ARRDC3: variants seen among roughly 807,000 people sequenced by gnomAD.
ARRDC3 encodes arrestin domain-containing protein 3.
Under a neutral mutation model 47.2 loss-of-function variants are expected in ARRDC3, and 10 were observed. That is an observed-to-expected ratio of 0.21 (90% CI 0.13 to 0.36). The LOEUF (loss-of-function observed/expected upper bound fraction) is 0.36. Ranked by LOEUF, ARRDC3 falls within the 10% of genes least tolerant of loss-of-function variation. The pLI is 1.00. For synonymous variants in ARRDC3, 156 were observed against 178.3 expected (o/e 0.87, Z 1.00); for missense variants, 381 against 503.6 (o/e 0.76, Z 2.33).
At chr5:91,377,575 T>G (rs1048865535) in intron 2 of ARRDC3, among the ~76,000 whole-genome samples, 3 of 150,788 alleles carry the variant, frequency 2.0e-5, no homozygotes, top group Non-Finnish European at 3.0e-5. Context: ...TTCATAATTT[T>G]TTTTTTTTTT....
At chr5:91,375,200 C>T (rs1475411287) in intron 4 of ARRDC3, 22 bp from the exon 5 acceptor site, 3 of 1,599,492 alleles carry the variant, frequency 1.9e-6, no homozygotes, top group Non-Finnish European at 2.6e-6. Flanking sequence ...AAAATATATA[C>T]ATATCTACTG....
chr5:91,376,190 G>C (rs1162581455), intron 3 of ARRDC3, among the ~76,000 whole-genome samples: 1 of 152,092 alleles, frequency 6.6e-6, no homozygotes, highest in East Asian at 1.9e-4. Context: ...TGAAACTAAT[G>C]ATTCCCCATT....
chr5:91,369,797 C>T lies in ARRDC3; in HGVS notation c.*1603G>A, dbSNP rs1799126959. On this transcript the variant is annotated 3_prime_UTR_variant, in exon 8 of 8. Transcript: ENST00000265138. The stretch of plus-strand genomic sequence containing the variant: ...ACAACAAAATAAGTACACTTGGTAC[C>T]TTGGAAAATGCTGAAATGCTATCAT... 6.6e-6 allele frequency: 1 copy of T among 152,010 alleles called. No homozygotes were observed. Among genetic ancestry groups the T allele is most frequent in the Admixed American group, 6.6e-5 (1 of 15,240 alleles). 9.4% of individuals were successfully genotyped at this position (152,010 alleles called of 1,614,324 possible). A position where few individuals can be genotyped will look rare whatever the true frequency, so the allele number is the denominator to read the frequency against.
chr5:91,383,039 G>T lies in ARRDC3; in HGVS notation c.54C>A (p.Asp18Glu). Residue 18 changes from aspartate to glutamate, a missense_variant, in exon 1 of 8, where the codon GAC becomes GAA. By Grantham distance (45) the Asp-to-Glu change is conservative. Coordinates refer to ENST00000265138, the MANE Select transcript of ARRDC3 (RefSeq NM_020801.4). ...SLTISFDCLN[D>E]SNVPVYSSGD... ...CACTAGAATACACAGGGACATTGCTGTCATTAAGACAGTCAAAGCTTATTG... is the reference window on the plus strand; with the variant it reads ...CACTAGAATACACAGGGACATTGCTTTCATTAAGACAGTCAAAGCTTATTG... 6.2e-7 allele frequency: 1 copy of T among 1,613,908 alleles called. No homozygotes were observed.
rs1389842483 is a variant in ARRDC3 at position 91,377,587 on chromosome 5, G to A, written c.363-819C>T. The stretch of plus-strand genomic sequence containing the variant: ...GTTTTCATAATTTTTTTTTTTTTTT[G>A]CATTTTAGACTCCCACATTAACTTG... On this transcript the variant is annotated intron_variant, in intron 2 of 7. Transcript: ENST00000265138. Among the ~76,000 whole-genome samples the A allele has an allele frequency of 3.5e-5, 4 of 113,070 alleles. No homozygotes were observed. The East Asian group carries it at 1.0e-3, about 28-fold the overall frequency. The allele number at this position is 113,070 out of a possible 152,430, so 74.2% of individuals were successfully genotyped here.
chr5:91,379,292 TAAAAAA>T lies in ARRDC3; in HGVS notation c.281-523_281-518del, dbSNP rs377674022. Among the ~76,000 whole-genome samples, 5 of 107,780 alleles carry T rather than the reference TAAAAAA, an allele frequency of 4.6e-5. 1 individual carries two copies. The highest frequency in any genetic ancestry group is 5.2e-4 in the East Asian group (2 of 3,844). 70.7% of individuals were successfully genotyped at this position (107,780 alleles called of 152,430 possible). ...AGAAAACCTTGTCAAATAGACGGAGTAAAAAAAAAAAAAAAAAAAGCCACACATTGA... is the reference window on the plus strand; with the variant it reads ...AGAAAACCTTGTCAAATAGACGGAGTAAAAAAAAAAAAAGCCACACATTGA... On this transcript the variant is annotated intron_variant, in intron 1 of 7. Coordinates refer to ENST00000265138, the MANE Select transcript of ARRDC3 (RefSeq NM_020801.4).
intron 6 of ARRDC3, 74 bp from the exon 7 acceptor site, chr5:91,373,912 T>TA: frequency 6.3e-7 from 1 of 1,578,218 alleles, no homozygotes; most frequent in Non-Finnish European, 8.7e-7. Flanking sequence ...TAGTAGGTAT[T>TA]AAAAAGCAAC....
chr5:91,373,633 C>A, intron 7 of ARRDC3, 51 bp downstream of exon 7: 1 of 1,535,622 alleles, frequency 6.5e-7, no homozygotes, highest in South Asian at 1.2e-5. Context: ...GCCTGCAATG[C>A]TATTTCCCAA....
chr5:91,379,893 A>G (rs1420711032), intron 1 of ARRDC3: 1 of 152,168 alleles, frequency 6.6e-6, no homozygotes, highest in Non-Finnish European at 1.5e-5. Context: ...TTCATTTAAA[A>G]ATCATGGTGA....
chr5:91,369,793 G>A lies in ARRDC3; in HGVS notation c.*1607C>T, dbSNP rs987582438. On this transcript the variant is annotated 3_prime_UTR_variant, in exon 8 of 8. Transcript: ENST00000265138. ...AACAACAACAAAATAAGTACACTTGGTACCTTGGAAAATGCTGAAATGCTA... is the reference window on the plus strand; with the variant it reads ...AACAACAACAAAATAAGTACACTTGATACCTTGGAAAATGCTGAAATGCTA... The A allele has an allele frequency of 2.0e-5, 3 of 152,022 alleles. No individual in the cohort carries two copies. Among genetic ancestry groups the A allele is most frequent in the Admixed American group, 1.3e-4 (2 of 15,244 alleles). 9.4% of individuals were successfully genotyped at this position (152,022 alleles called of 1,614,324 possible).
intron 5 of ARRDC3, 89 bp from the exon 6 acceptor site, chr5:91,374,365 C>G: frequency 8.7e-7 from 1 of 1,146,476 alleles, no homozygotes; most frequent in East Asian, 2.5e-5. Flanking sequence ...TTATTTGAAA[C>G]CCCCATTTAC....
intron 1 of ARRDC3, chr5:91,380,724 C>G (rs1799433990): frequency 1.3e-5 from 2 of 152,346 alleles, no homozygotes; most frequent in Admixed American, 1.3e-4. Context: ...CCTTCCCATC[C>G]AACTTCCATC....
chr5:91,375,547 A>G lies in ARRDC3; in HGVS notation c.577T>C (p.Leu193=). 2 of 1,612,174 alleles carry G rather than the reference A, an allele frequency of 1.2e-6. No homozygotes were observed. Residue 193 remains leucine, a synonymous_variant, in exon 4 of 8, where the codon TTA becomes CTA. Transcript: ENST00000265138. ...CWFCTSGPIS[L]SAKIERKGYT... is the part of the protein sequence containing the mutation. ...CCCTTCCTTTCAATTTTGGCACTTAAGGATATTGGGCCTGAGGTACAGAAC... is the reference window on the plus strand; with the variant it reads ...CCCTTCCTTTCAATTTTGGCACTTAGGGATATTGGGCCTGAGGTACAGAAC...
intron 4 of ARRDC3, 57 bp from the exon 5 acceptor site, chr5:91,375,235 CAA>C: frequency 1.3e-6 from 2 of 1,538,782 alleles, no homozygotes; most frequent in East Asian, 4.5e-5. Flanking sequence ...CAAAAGAAGT[CAA>C]GATTCTTAAA....
In ARRDC3 at chr5:91,368,907, C is replaced by T. The variant is rs973260394; in HGVS notation, c.*2493G>A. On this transcript the variant is annotated 3_prime_UTR_variant, in exon 8 of 8. Transcript: ENST00000265138. ...CATAGAATATAATCTATAAAGCAAA[C>T]ATTTAATATTGCACTTTGTTTTGCT... The T allele has an allele frequency of 1.3e-5, 2 of 152,424 alleles. No individual in the cohort carries two copies. Among genetic ancestry groups the T allele is most frequent in the African/African-American group, 4.8e-5 (2 of 41,416 alleles). 9.4% of individuals were successfully genotyped at this position (152,424 alleles called of 1,614,324 possible).
At chr5:91,372,797 T>C (rs942463892) in intron 7 of ARRDC3, among the ~76,000 whole-genome samples, 1 of 152,204 alleles carries the variant, frequency 6.6e-6, no homozygotes, top group Non-Finnish European at 1.5e-5. Flanking sequence ...AAAACAGCTA[T>C]GTAAATTACA....
chr5:91,375,447 T>G, intron 4 of ARRDC3, 64 bp downstream of exon 4: 1 of 1,116,944 alleles, frequency 9.0e-7, no homozygotes, highest in Non-Finnish European at 1.3e-6. Context: ...GTAGTCATAT[T>G]ATAAATTTAA....
At chr5:91,378,662 C>T (rs764721860) in intron 2 of ARRDC3, 32 bp downstream of exon 2, 10 of 1,161,248 alleles carry the variant, frequency 8.6e-6, no homozygotes, top group Admixed American at 2.2e-5. Flanking sequence ...TCATAAGTAT[C>T]TATAAAAATG....
intron 2 of ARRDC3, among the ~76,000 whole-genome samples, chr5:91,377,339 T>C (rs968417992): frequency 9.8e-5 from 15 of 152,306 alleles, no homozygotes; most frequent in Admixed American, 6.5e-4. Context: ...CTAATTCTTG[T>C]TTGGCTGTTC....
Sources: gnomAD v4.1 joint callset for allele counts (sites outside exome capture counted in the v4.1 genomes callset) on GRCh38, gnomAD v4.1.1 for gene constraint, MANE v1.5 for transcripts, NCBI Gene and HGNC (gene_info 2026-07-23, HGNC 2026-07-21) for gene names.